Variants in UBE4B observed in about 807,000 individuals in gnomAD.
UBE4B encodes ubiquitination factor E4B.
In UBE4B, 27 loss-of-function variants were observed where a neutral mutation model predicts 148.1. The observed-to-expected ratio is 0.18, with a 90% CI of 0.13 to 0.25. UBE4B has a LOEUF of 0.25. Among genes scored for constraint, UBE4B ranks in the 10% least tolerant of loss-of-function variants. UBE4B has a pLI of 1.00. For synonymous variants in UBE4B, 596 were observed against 619.3 expected (o/e 0.96, Z 0.56); for missense variants, 1,170 against 1,662.4 (o/e 0.70, Z 5.15).
chr1:10,109,462 A>G (rs1375155340), intron 7 of UBE4B, among the ~76,000 whole-genome samples: 1 of 152,108 alleles, frequency 6.6e-6, no homozygotes, highest in African/African-American at 2.4e-5. Context: ...CAGTCAGTTG[A>G]TATGTCCCTT....
At position 10,179,491 on chromosome 1, in the gene UBE4B, T is replaced by G. The variant is rs1484052240; in HGVS notation, c.3776T>G (p.Leu1259Arg). 1 of 1,613,992 alleles carries G rather than the reference T, an allele frequency of 6.2e-7. No individual in the cohort carries two copies. Among genetic ancestry groups the G allele is most frequent in the Non-Finnish European group, 8.5e-7 (1 of 1,180,046 alleles). Residue 1259 changes from leucine (L) to arginine (R), a missense_variant, in exon 27 of 28, where the codon CTG (leucine) becomes CGG (arginine). Leu to Arg is a moderately radical substitution (Grantham distance 102). This residue lies in a region of UBE4B where 348 missense variants were observed against 627.2 expected (regional missense o/e 0.55). Transcript: ENST00000343090. ...SGTIMDRSIILRHLLNSPTDP... is the reference protein window; with the variant it reads ...SGTIMDRSIIRRHLLNSPTDP... Reference sequence around the variant, plus strand: ...ACCATCATGGACCGCTCCATCATCCTGCGGCACCTGCTCAACTCCCCCACG... The same window carrying G: ...ACCATCATGGACCGCTCCATCATCCGGCGGCACCTGCTCAACTCCCCCACG...
rs56019503 is a variant in UBE4B, at chr1:10,168,100, C to A, written c.3199-36C>A. Reference sequence around the variant, plus strand: ...CGCTTTGCTGAGCTGATGACCAGGACCGAGCCTTACTCAGCGTCTGTTCGA... The same window carrying A: ...CGCTTTGCTGAGCTGATGACCAGGAACGAGCCTTACTCAGCGTCTGTTCGA... On this transcript the variant is annotated intron_variant, in intron 23 of 27. Coordinates refer to ENST00000343090, the MANE Select transcript of UBE4B (RefSeq NM_001105562.3). This position sits in a 1 kb window ranked among gnomAD's most constrained non-coding sequence, Gnocchi z 4.9. 0.022 allele frequency: 35,670 copies of A among 1,597,098 alleles called. 501 individuals carry two copies. Among genetic ancestry groups the A allele is most frequent in the Non-Finnish European group, 0.027 (31,334 of 1,168,884 alleles).
intron 18 of UBE4B, chr1:10,145,251 T>G (rs568105599): frequency 2.7e-6 from 1 of 372,516 alleles, no homozygotes; most frequent in East Asian, 4.1e-5. Flanking sequence ...TGGATAGATA[T>G]GCTTCTGCTG....
In UBE4B at chr1:10,158,401, C is replaced by A. The variant is rs1381410939; in HGVS notation, c.2972C>A (p.Thr991Lys). The A allele has an allele frequency of 1.9e-6, 3 of 1,614,180 alleles. No homozygotes were observed. The South Asian group carries it at 3.3e-5, about 18-fold the overall frequency. ...ACCAGTGAGTTTTATGACAAGTTCACAATTCGCTATCATATTAGCACCATT... is the reference window on the plus strand; with the variant it reads ...ACCAGTGAGTTTTATGACAAGTTCAAAATTCGCTATCATATTAGCACCATT... ...GATSEFYDKF[T>K]IRYHISTIFK... The change falls in exon 22 of 28, where the codon ACA (threonine) becomes AAA (lysine). Residue 991 changes from threonine to lysine, a missense_variant. Thr to Lys is a moderately conservative substitution (Grantham distance 78). This residue lies in a region of UBE4B where 348 missense variants were observed against 627.2 expected (regional missense o/e 0.55). Transcript: ENST00000343090.
chr1:10,156,260 G>A (rs1646070175), intron 21 of UBE4B, among the ~76,000 whole-genome samples: 1 of 135,384 alleles, frequency 7.4e-6, no homozygotes, highest in Admixed American at 7.7e-5. Flanking sequence ...TTTTTTTTGA[G>A]CTAGGGTCTT....
intron 16 of UBE4B, among the ~76,000 whole-genome samples, chr1:10,135,850 G>C (rs1365005015): frequency 6.6e-6 from 1 of 151,698 alleles, no homozygotes; most frequent in Non-Finnish European, 1.5e-5. Context: ...TGAAGAAGTA[G>C]GTGATATTTA....
At chr1:10,114,734 A>C (rs1345682080) in intron 7 of UBE4B, among the ~76,000 whole-genome samples, 2 of 152,054 alleles carry the variant, frequency 1.3e-5, no homozygotes, top group East Asian at 3.9e-4. Context: ...CATGGTGGCG[A>C]GCGCCTGTAG....
intron 25 of UBE4B, 145 bp downstream of exon 25, chr1:10,171,474 G>T: frequency 1.0e-6 from 1 of 993,750 alleles, no homozygotes; most frequent in Non-Finnish European, 1.4e-6. Flanking sequence ...GGCTGGGCGC[G>T]GTGGCTCAGG....
Position 10,121,969 on chromosome 1 carries a change from C to G in UBE4B, c.1447C>G (p.Gln483Glu). 6.2e-7 allele frequency: 1 copy of G among 1,611,666 alleles called. No individual in the cohort carries two copies. Among genetic ancestry groups the G allele is most frequent in the Non-Finnish European group, 8.5e-7 (1 of 1,178,524 alleles). ...ATGTTCATGGGTCCACAGGTCCTTG[C>G]AGCAGCCGTCCTTCCTAGTGCCGTA... Reference protein sequence around the residue: ...QGSLTQPRSLQQPSFLVPYML... With the variant: ...QGSLTQPRSLEQPSFLVPYML... Residue 483 changes from glutamine (Q) to glutamate (E), a missense_variant, in exon 10 of 28, where the codon CAG (glutamine) becomes GAG (glutamate). By Grantham distance (29) the Gln-to-Glu change is conservative (BLOSUM62 2). Coordinates refer to ENST00000343090, the MANE Select transcript of UBE4B (RefSeq NM_001105562.3).
chr1:10,033,857 G>A (rs1323838952), intron 1 of UBE4B, among the ~76,000 whole-genome samples, 163 bp downstream of exon 1: 1 of 152,188 alleles, frequency 6.6e-6, no homozygotes, highest in Non-Finnish European at 1.5e-5. Context: ...CTCTGGTTTT[G>A]TTCTCCTTTA....
At chr1:10,060,537 G>A (rs1323532887) in intron 1 of UBE4B, among the ~76,000 whole-genome samples, 1 of 152,162 alleles carries the variant, frequency 6.6e-6, no homozygotes, top group African/African-American at 2.4e-5. Context: ...CAGGAGAGCT[G>A]GTTCCAGAAG....
At chr1:10,087,110 T>C (rs1028300660) in intron 2 of UBE4B, among the ~76,000 whole-genome samples, 1 of 152,192 alleles carries the variant, frequency 6.6e-6, no homozygotes, top group Non-Finnish European at 1.5e-5. Flanking sequence ...CGCATACAGG[T>C]GTATCTATAG....
At position 10,149,109 on chromosome 1, in the gene UBE4B, G is replaced by C. The variant is rs901323705; in HGVS notation, c.2592-75G>C. ...TCCCCAAATGAAATACTTATCCGATGGTAATGTAATACTCCTTGTAGTTTG... is the reference window on the plus strand; with the variant it reads ...TCCCCAAATGAAATACTTATCCGATCGTAATGTAATACTCCTTGTAGTTTG... On this transcript the variant is annotated intron_variant, in intron 19 of 27. Coordinates refer to ENST00000343090, the MANE Select transcript of UBE4B (RefSeq NM_001105562.3). 2.3e-5 allele frequency: 23 copies of C among 1,020,378 alleles called. No homozygotes were observed. In the African/African-American group the frequency reaches 3.6e-4, roughly 16 times the overall value. The allele number at this position is 1,020,378 out of a possible 1,614,324, so 63.2% of individuals were successfully genotyped here. A position where few individuals can be genotyped will look rare whatever the true frequency, so the allele number is the denominator to read the frequency against.
chr1:10,173,874 A>G (rs1646375033), intron 25 of UBE4B, among the ~76,000 whole-genome samples: 1 of 152,196 alleles, frequency 6.6e-6, no homozygotes, highest in Non-Finnish European at 1.5e-5. Context: ...TGGGTGACAA[A>G]GGAATGCTTT....
At chr1:10,147,217 G>T (rs754879116) in intron 19 of UBE4B, 127 bp downstream of exon 19, 11 of 1,451,754 alleles carry the variant, frequency 7.6e-6, no homozygotes, top group Non-Finnish European at 1.0e-5. Context: ...TCTGCAAGGC[G>T]CAGTGGTTCA....
intron 1 of UBE4B, among the ~76,000 whole-genome samples, chr1:10,035,249 A>G (rs1034798924): frequency 2.0e-5 from 3 of 151,584 alleles, no homozygotes; most frequent in East Asian, 4.0e-4. Flanking sequence ...CACCCGCCTC[A>G]GCCTCCCAAA....
intron 7 of UBE4B, among the ~76,000 whole-genome samples, chr1:10,108,350 C>G (rs1384580836): frequency 6.6e-6 from 1 of 152,170 alleles, no homozygotes; most frequent in African/African-American, 2.4e-5. Flanking sequence ...TGAAGCCAGA[C>G]CCCATTTGTT....
At chr1:10,043,990 A>G (rs1338162490) in intron 1 of UBE4B, among the ~76,000 whole-genome samples, 1 of 152,182 alleles carries the variant, frequency 6.6e-6, no homozygotes, top group Middle Eastern at 3.2e-3. Context: ...TGCTGTTTCT[A>G]AAGAAAATGT....
intron 1 of UBE4B, among the ~76,000 whole-genome samples, chr1:10,062,112 G>A (rs1644298284): frequency 6.6e-6 from 1 of 151,362 alleles, no homozygotes; most frequent in South Asian, 2.1e-4. Flanking sequence ...GTTTCACCAT[G>A]TTGGCCAGGA....
Sources: allele counts gnomAD v4.1 joint callset (sites outside exome capture counted in the v4.1 genomes callset), GRCh38; gene constraint gnomAD v4.1.1; regional missense constraint gnomAD v4.1.1; non-coding constraint Gnocchi (gnomAD v3.1); transcripts MANE v1.5; gene names NCBI Gene and HGNC (gene_info 2026-07-23, HGNC 2026-07-21).